ADGRF4: variants seen among roughly 807,000 people sequenced by gnomAD.
The protein encoded by ADGRF4 is G-protein coupled receptor PGR18.
ADGRF4 carries 63 observed loss-of-function variants against 58.5 expected under a neutral mutation model. The ratio of observed to expected loss-of-function variants is 1.08; its 90% CI spans 0.88 to 1.33. ADGRF4 has a LOEUF of 1.33. ADGRF4 is among the 40% of genes most tolerant of loss of function. The pLI, the probability that ADGRF4 is intolerant of heterozygous loss-of-function variation, is 0.00. For synonymous variants in ADGRF4, 313 were observed against 295.4 expected (o/e 1.06, Z -0.61); for missense variants, 931 against 843.9 (o/e 1.10, Z -1.28).
chr6:47,718,895 A>C (rs1772095512), intron 9 of ADGRF4, among the ~76,000 whole-genome samples: 1 of 152,194 alleles, frequency 6.6e-6, no homozygotes, highest in African/African-American at 2.4e-5. Context: ...CCCCTGAGAC[A>C]TATTTCTACA....
intron 1 of ADGRF4, among the ~76,000 whole-genome samples, chr6:47,702,162 A>G (rs952329808): frequency 6.6e-6 from 1 of 152,142 alleles, no homozygotes; most frequent in Non-Finnish European, 1.5e-5. Flanking sequence ...TATCAAGTGA[A>G]TTGGTAAATC....
At chr6:47,710,661 T>A in intron 3 of ADGRF4, 74 bp from the exon 4 acceptor site, 1 of 1,457,466 alleles carries the variant, frequency 6.9e-7, no homozygotes, top group Admixed American at 2.3e-5. Flanking sequence ...CAGAATGAAT[T>A]TGATGCACCT....
chr6:47,705,739 A>T (rs898505456), intron 1 of ADGRF4, among the ~76,000 whole-genome samples: 1 of 152,176 alleles, frequency 6.6e-6, no homozygotes, highest in African/African-American at 2.4e-5. Context: ...CTCCCTGGTC[A>T]CTGATTGCCT....
chr6:47,720,026 G>A (rs1287241006), intron 9 of ADGRF4, among the ~76,000 whole-genome samples: 2 of 152,160 alleles, frequency 1.3e-5, no homozygotes, highest in Non-Finnish European at 2.9e-5. Context: ...CAGTATTGGG[G>A]ACTATGCTTT....
intron 3 of ADGRF4, among the ~76,000 whole-genome samples, chr6:47,708,899 A>G (rs1045885411): frequency 2.0e-5 from 3 of 152,242 alleles, no homozygotes; most frequent in African/African-American, 7.2e-5. Flanking sequence ...TTTACTGGGC[A>G]TTTAAGACAA....
chr6:47,721,367 A>G lies in ADGRF4; in HGVS notation c.*162A>G, dbSNP rs1459322267. 12 of 151,734 alleles carry G rather than the reference A, an allele frequency of 7.9e-5. No individual in the cohort carries two copies. The highest frequency in any genetic ancestry group is 7.9e-4 in the Admixed American group (12 of 15,266). The allele number at this position is 151,734 out of a possible 1,614,324, so 9.4% of individuals were successfully genotyped here. A position where few individuals can be genotyped will look rare whatever the true frequency, so the allele number is the denominator to read the frequency against. Reference sequence around the variant, plus strand: ...TCCCAAGCTCTTGGTCGGCCGAAGAAAAACTGAGGATAACATTTGCTGACT... The same window carrying G: ...TCCCAAGCTCTTGGTCGGCCGAAGAGAAACTGAGGATAACATTTGCTGACT... On this transcript the variant is annotated 3_prime_UTR_variant, in exon 10 of 10. Coordinates refer to ENST00000283303, the MANE Select transcript of ADGRF4 (RefSeq NM_153838.5).
In ADGRF4 at chr6:47,708,233, A is replaced by G; in HGVS notation, c.103A>G (p.Lys35Glu). Residue 35 changes from lysine to glutamate, a missense_variant, in exon 3 of 10, where the codon AAA becomes GAA. Physicochemically the swap from Lys to Glu is moderately conservative, Grantham distance 56. Transcript: ENST00000283303. Reference protein sequence around the residue: ...RSKIHLKAGDKLQSPEGKPKT... With the variant: ...RSKIHLKAGDELQSPEGKPKT... ...AATTTATATTTTTCAGGCTGGAGAT[A>G]AACTTCAAAGCCCTGAAGGGAAACC... is the stretch of plus-strand genomic sequence containing the variant. 1 of 1,611,870 alleles carries G rather than the reference A, an allele frequency of 6.2e-7. No homozygotes were observed. Among genetic ancestry groups the G allele is most frequent in the East Asian group, 2.2e-5 (1 of 44,852 alleles).
At chr6:47,707,033 G>A (rs1771725524) in intron 1 of ADGRF4, among the ~76,000 whole-genome samples, 197 bp from the exon 2 acceptor site, 1 of 152,136 alleles carries the variant, frequency 6.6e-6, no homozygotes, top group South Asian at 2.1e-4. Flanking sequence ...GTTAACAGTT[G>A]AGAGAAATTA....
intron 8 of ADGRF4, 39 bp downstream of exon 8, chr6:47,717,390 G>C (rs566116032): frequency 3.6e-6 from 5 of 1,400,394 alleles, no homozygotes; most frequent in South Asian, 2.3e-5. Flanking sequence ...TGGAGAGTCC[G>C]TGTCCTTGCC....
rs151057435 is a variant in ADGRF4, at chr6:47,718,167, G to A, written c.2035-222G>A. Among the ~76,000 whole-genome samples, 598 of 152,288 alleles carry A rather than the reference G, an allele frequency of 3.9e-3. 2 individuals are homozygous for A. Among genetic ancestry groups the A allele is most frequent in the African/African-American group, 0.014 (574 of 41,562 alleles). On this transcript the variant is annotated intron_variant, in intron 8 of 9. Transcript: ENST00000283303. ...ATATTCAATGGCATGTCATAGTTTA[G>A]TTGGAAAGTTTTGTTTCTTTTTATT...
rs776251969 is a variant in ADGRF4 at position 47,707,243 on chromosome 6, T to C, written c.-3T>C. The C allele has an allele frequency of 1.3e-5, 20 of 1,596,742 alleles. No individual in the cohort carries two copies. The highest frequency in any genetic ancestry group is 1.7e-5 in the Admixed American group (1 of 60,000). Reference sequence around the variant, plus strand: ...TCTCTATTGCAGGTGAAGATCCTCATGTATGAAAATGAAGTCCCAGGCAAC... The same window carrying C: ...TCTCTATTGCAGGTGAAGATCCTCACGTATGAAAATGAAGTCCCAGGCAAC... On this transcript the variant is annotated 5_prime_UTR_variant, in exon 2 of 10. It removes an upstream start codon present in the reference 5' UTR. Coordinates refer to ENST00000283303, the MANE Select transcript of ADGRF4 (RefSeq NM_153838.5).
At chr6:47,719,002 G>A (rs1299215714) in intron 9 of ADGRF4, among the ~76,000 whole-genome samples, 2 of 152,236 alleles carry the variant, frequency 1.3e-5, no homozygotes, top group African/African-American at 4.8e-5. Context: ...CTGGGGGAAT[G>A]TGGGCAGGGA....
chr6:47,705,076 C>T (rs2113896003), intron 1 of ADGRF4, among the ~76,000 whole-genome samples: 1 of 152,240 alleles, frequency 6.6e-6, no homozygotes, highest in Middle Eastern at 3.4e-3. Context: ...CTACAGACGC[C>T]TGCCACCACA....
rs776302963 is a variant in ADGRF4 at position 47,713,830 on chromosome 6, C to T, written c.585C>T (p.Asp195=). ...SYSEVANHIL[D]TAAISNWAFI... The stretch of plus-strand genomic sequence containing the variant: ...GTGAAGTGGCCAACCACATCCTCGA[C>T]ACAGCAGCCATTTCAAACTGGGCTT... The change falls in exon 6 of 10, where the codon GAC becomes GAT. Residue 195 remains aspartate, a synonymous_variant. Coordinates refer to ENST00000283303, the MANE Select transcript of ADGRF4 (RefSeq NM_153838.5). 2.9e-5 allele frequency: 45 copies of T among 1,576,656 alleles called. No individual in the cohort carries two copies. The Admixed American group carries it at 8.0e-4, about 28-fold the overall frequency.
intron 9 of ADGRF4, 75 bp downstream of exon 9, chr6:47,718,520 T>A (rs1485632783): frequency 2.4e-6 from 2 of 838,494 alleles, no homozygotes; most frequent in East Asian, 2.4e-5. Context: ...GTGACCACAC[T>A]ATTGCCTGCT....
Position 47,712,402 on chromosome 6 carries a change from C to A in ADGRF4, c.346C>A (p.Pro116Thr), listed in dbSNP as rs374680109. 10 of 1,613,690 alleles carry A rather than the reference C, an allele frequency of 6.2e-6. No homozygotes were observed. The highest frequency in any genetic ancestry group is 3.3e-5 in the Admixed American group (2 of 59,998). ...SRLSVAAPSI[P>T]LHILDFRAPE... is the part of the protein sequence containing the mutation. Reference sequence around the variant, plus strand: ...CCTTTCTGTAGCAGCACCATCTATACCTCTGCATATTCTAGACTTTCGAGC... The same window carrying A: ...CCTTTCTGTAGCAGCACCATCTATAACTCTGCATATTCTAGACTTTCGAGC... Residue 116 changes from proline to threonine, a missense_variant, in exon 5 of 10, where the codon CCT (proline) becomes ACT (threonine). Coordinates refer to ENST00000283303, the MANE Select transcript of ADGRF4 (RefSeq NM_153838.5).
intron 3 of ADGRF4, 77 bp downstream of exon 3, chr6:47,708,355 G>T: frequency 4.6e-6 from 5 of 1,095,758 alleles, no homozygotes; most frequent in Non-Finnish European, 4.2e-6. Context: ...TTGCAAGCTT[G>T]TCCCCAGACC....
At chr6:47,719,209 A>T (rs550746110) in intron 9 of ADGRF4, among the ~76,000 whole-genome samples, 1 of 152,182 alleles carries the variant, frequency 6.6e-6, no homozygotes, top group South Asian at 2.1e-4. Context: ...GGAACCAAAG[A>T]CACTCTGAGT....
intron 1 of ADGRF4, among the ~76,000 whole-genome samples, chr6:47,706,919 T>C (rs1459793889): frequency 6.6e-6 from 1 of 152,254 alleles, no homozygotes; most frequent in Non-Finnish European, 1.5e-5. Context: ...TCTTGATAAA[T>C]ATGACTATTA....
Sources: allele counts gnomAD v4.1 joint callset (sites outside exome capture counted in the v4.1 genomes callset), GRCh38; gene constraint gnomAD v4.1.1; transcripts MANE v1.5; gene names NCBI Gene and HGNC (gene_info 2026-07-23, HGNC 2026-07-21).